KLHL1: variants seen among roughly 807,000 people sequenced by gnomAD.
KLHL1 encodes kelch-like protein 1.
A neutral mutation model predicts 77.7 loss-of-function variants in KLHL1; 47 were observed. The observed-to-expected ratio is 0.60, with a 90% CI of 0.48 to 0.77. KLHL1 has a LOEUF of 0.77. Among genes scored for constraint, KLHL1 ranks in the 30% least tolerant of loss-of-function variants. The pLI is 0.00. For missense variants in KLHL1, 925 were observed against 910.8 expected (o/e 1.02, Z -0.20); for synonymous variants, 360 against 325.2 (o/e 1.11, Z -1.15).
At chr13:69,997,145 T>C (rs1330651433) in intron 1 of KLHL1, among the ~76,000 whole-genome samples, 2 of 151,624 alleles carry the variant, frequency 1.3e-5, no homozygotes, top group Non-Finnish European at 2.9e-5. Context: ...CACTTGAAAC[T>C]GGTAGACAGA....
At chr13:69,885,387 T>A (rs1394828633) in intron 4 of KLHL1, among the ~76,000 whole-genome samples, 4 of 151,980 alleles carry the variant, frequency 2.6e-5, no homozygotes, top group African/African-American at 4.8e-5. Flanking sequence ...TGGTATCAGA[T>A]CTTTCACACT....
intron 1 of KLHL1, among the ~76,000 whole-genome samples, chr13:70,036,003 AATG>A (rs1886229667): frequency 1.3e-5 from 2 of 152,078 alleles, no homozygotes; most frequent in African/African-American, 2.4e-5. Flanking sequence ...TAAATGCTTC[AATG>A]ATGAGTATCA....
chr13:69,851,012 C>T (rs189516681), intron 5 of KLHL1, among the ~76,000 whole-genome samples: 37 of 151,740 alleles, frequency 2.4e-4, no homozygotes, highest in Admixed American at 1.5e-3. Flanking sequence ...CTGGACTAGG[C>T]CTTATCTTCA....
intron 4 of KLHL1, among the ~76,000 whole-genome samples, chr13:69,882,948 A>G (rs1000415445): frequency 2.6e-5 from 4 of 152,196 alleles, no homozygotes; most frequent in Admixed American, 2.0e-4. Context: ...AAAGAGAAAG[A>G]ATAGGACAGA....
intron 1 of KLHL1, among the ~76,000 whole-genome samples, chr13:69,995,806 G>A (rs1205292577): frequency 3.3e-5 from 5 of 152,094 alleles, no homozygotes; most frequent in Non-Finnish European, 5.9e-5. Context: ...GCTAAACCTA[G>A]TTATTTCCTC....
At chr13:69,991,840 G>A (rs550493756) in intron 1 of KLHL1, among the ~76,000 whole-genome samples, 2 of 152,014 alleles carry the variant, frequency 1.3e-5, no homozygotes, top group South Asian at 4.1e-4. Context: ...AAACATGATA[G>A]GAGAATTTAT....
chr13:69,985,416 A>T lies in KLHL1; in HGVS notation c.498-9614T>A, dbSNP rs138937474. On this transcript the variant is annotated intron_variant, in intron 1 of 10. Transcript: ENST00000377844. Reference sequence around the variant, plus strand: ...GCTCAACTTCATTAATCATCAGATAAATGCAAATCAAAATCACAATAAAAT... The same window carrying T: ...GCTCAACTTCATTAATCATCAGATATATGCAAATCAAAATCACAATAAAAT... Among the ~76,000 whole-genome samples the T allele has an allele frequency of 4.3e-3, 649 of 152,200 alleles. 2 individuals are homozygous for T. The highest frequency in any genetic ancestry group is 5.7e-3 in the Non-Finnish European group (389 of 67,986).
At chr13:69,763,907 C>CA (rs35828287) in intron 7 of KLHL1, among the ~76,000 whole-genome samples, 1 of 152,132 alleles carries the variant, frequency 6.6e-6, no homozygotes, top group African/African-American at 2.4e-5. Flanking sequence ...GTAACCCTTA[C>CA]AAAAAAGTAA....
rs114828558 is a variant in KLHL1, at chr13:70,015,197, T to C, written c.498-39395A>G. Among the ~76,000 whole-genome samples, 540 of 152,234 alleles carry C rather than the reference T, an allele frequency of 3.5e-3. 3 individuals are homozygous for C. Among genetic ancestry groups the C allele is most frequent in the African/African-American group, 0.012 (509 of 41,564 alleles). On this transcript the variant is annotated intron_variant, in intron 1 of 10. Transcript: ENST00000377844. The stretch of plus-strand genomic sequence containing the variant: ...CAATTTCATCCACTTGTGAACATCA[T>C]AGAGTGGACTTATGCAAACCTATTG...
intron 1 of KLHL1, among the ~76,000 whole-genome samples, chr13:69,984,621 C>G (rs1432489828): frequency 6.6e-6 from 1 of 152,124 alleles, no homozygotes; most frequent in South Asian, 2.1e-4. Context: ...TCCCAGGGGA[C>G]TGGAAAACCC....
At chr13:69,906,661 A>T (rs1321004578) in intron 4 of KLHL1, among the ~76,000 whole-genome samples, 1 of 151,850 alleles carries the variant, frequency 6.6e-6, no homozygotes, top group African/African-American at 2.4e-5. Flanking sequence ...GTTTCTTTAA[A>T]GCTTCATTCT....
intron 1 of KLHL1, among the ~76,000 whole-genome samples, chr13:70,028,446 TTA>T (rs1886010736): frequency 6.6e-6 from 1 of 152,072 alleles, no homozygotes; most frequent in South Asian, 2.1e-4. Flanking sequence ...ATGTTGTTGT[TTA>T]TGTTTTTATA....
At chr13:70,092,892 A>C (rs1887700488) in intron 1 of KLHL1, among the ~76,000 whole-genome samples, 1 of 152,162 alleles carries the variant, frequency 6.6e-6, no homozygotes, top group Non-Finnish European at 1.5e-5. Flanking sequence ...TACAGTATTG[A>C]ACAGCGCAGC....
intron 7 of KLHL1, among the ~76,000 whole-genome samples, chr13:69,782,879 A>AC (rs1876302091): frequency 6.6e-6 from 1 of 152,082 alleles, no homozygotes; most frequent in Non-Finnish European, 1.5e-5. Flanking sequence ...TGGGTCCCTG[A>AC]CCCCCGAGCA....
chr13:70,016,785 A>T (rs1197449641), intron 1 of KLHL1, among the ~76,000 whole-genome samples: 1 of 152,280 alleles, frequency 6.6e-6, no homozygotes, highest in East Asian at 1.9e-4. Context: ...CCAGGGGGCC[A>T]GATTTTTAGT....
intron 7 of KLHL1, among the ~76,000 whole-genome samples, chr13:69,752,285 T>C (rs1433402009): frequency 6.6e-6 from 1 of 152,150 alleles, no homozygotes; most frequent in Non-Finnish European, 1.5e-5. Flanking sequence ...GATTTAACTA[T>C]TGCTAATGCA....
chr13:70,081,242 T>C (rs1887383839), intron 1 of KLHL1, among the ~76,000 whole-genome samples: 1 of 152,186 alleles, frequency 6.6e-6, no homozygotes, highest in Non-Finnish European at 1.5e-5. Context: ...AACTTTCTAC[T>C]GTTGTATAGT....
At chr13:69,972,342 T>C (rs1884407118) in intron 2 of KLHL1, among the ~76,000 whole-genome samples, 1 of 151,950 alleles carries the variant, frequency 6.6e-6, no homozygotes, top group African/African-American at 2.4e-5. Flanking sequence ...ACTAAACTTA[T>C]TGTCAAATAT....
intron 1 of KLHL1, among the ~76,000 whole-genome samples, chr13:70,034,618 C>A (rs910888932): frequency 6.6e-6 from 1 of 152,206 alleles, no homozygotes; most frequent in South Asian, 2.1e-4. Context: ...ATTCTGAAAT[C>A]TTTTTTATCA....
Sources: gnomAD v4.1 joint callset for allele counts (sites outside exome capture counted in the v4.1 genomes callset) on GRCh38, gnomAD v4.1.1 for gene constraint, MANE v1.5 for transcripts, NCBI Gene and HGNC (gene_info 2026-07-23, HGNC 2026-07-21) for gene names.